Variants in FAT3 observed in about 807,000 individuals in gnomAD.
The protein encoded by FAT3 is FAT atypical cadherin 3.
Under a neutral mutation model 310.2 loss-of-function variants are expected in FAT3, and 95 were observed. The observed-to-expected ratio is 0.31, with a 90% CI of 0.26 to 0.36. FAT3 has a LOEUF of 0.36. Among genes scored for constraint, FAT3 ranks in the 10% least tolerant of loss-of-function variants. The pLI, the probability that FAT3 is intolerant of heterozygous loss-of-function variation, is 1.00. For synonymous variants in FAT3, 2,314 were observed against 2,192.9 expected (o/e 1.06, Z -1.54); for missense variants, 5,408 against 5,715.6 (o/e 0.95, Z 1.74).
At chr11:92,592,316 G>GTTT (rs1383303382) in intron 3 of FAT3, among the ~76,000 whole-genome samples, 1 of 82,920 alleles carries the variant, frequency 1.2e-5, no homozygotes, top group Non-Finnish European at 2.2e-5. Context: ...TCTCCTAATT[G>GTTT]TCTTTTTTTT....
At chr11:92,731,981 C>T (rs564466748) in intron 4 of FAT3, among the ~76,000 whole-genome samples, 1 of 152,266 alleles carries the variant, frequency 6.6e-6, no homozygotes, top group South Asian at 2.1e-4. Flanking sequence ...AGTTATAGAT[C>T]ATGAATTCCA....
At chr11:92,432,934 A>G (rs760905315) in intron 2 of FAT3, among the ~76,000 whole-genome samples, 16 of 152,176 alleles carry the variant, frequency 1.1e-4, no homozygotes, top group Non-Finnish European at 2.4e-4. Flanking sequence ...TGCCCTGCCC[A>G]GAGAGGAGGA....
intron 16 of FAT3, 147 bp from the exon 17 acceptor site, chr11:92,837,516 G>A (rs1948436898): frequency 2.1e-6 from 2 of 934,294 alleles, no homozygotes; most frequent in Admixed American, 5.6e-5. Flanking sequence ...AAATGTCAGT[G>A]GTGCCAAGAA....
chr11:92,454,907 A>G (rs896008231), intron 2 of FAT3, among the ~76,000 whole-genome samples: 1 of 152,164 alleles, frequency 6.6e-6, no homozygotes, highest in African/African-American at 2.4e-5. Flanking sequence ...AATTCCATGA[A>G]TAGCCTCATT....
chr11:92,885,746 C>T (rs577785404), intron 24 of FAT3, among the ~76,000 whole-genome samples: 1 of 152,256 alleles, frequency 6.6e-6, no homozygotes, highest in African/African-American at 2.4e-5. Context: ...CTTCATTCAC[C>T]AGAGTGGATT....
At chr11:92,234,077 A>G (rs1185591400) in intron 1 of FAT3, among the ~76,000 whole-genome samples, 1 of 152,234 alleles carries the variant, frequency 6.6e-6, no homozygotes, top group East Asian at 1.9e-4. Flanking sequence ...TCTTTATACA[A>G]TAGATATGTT....
chr11:92,532,389 T>C (rs950256961), intron 3 of FAT3, among the ~76,000 whole-genome samples: 2 of 152,198 alleles, frequency 1.3e-5, no homozygotes, highest in Non-Finnish European at 2.9e-5. Context: ...TCTTCTGTCT[T>C]ATGTAACTTC....
chr11:92,310,764 A>T (rs1947276291), intron 1 of FAT3, among the ~76,000 whole-genome samples: 1 of 151,920 alleles, frequency 6.6e-6, no homozygotes, highest in Non-Finnish European at 1.5e-5. Context: ...TAAAGTTTCC[A>T]CGACAATATT....
rs945555619 is a variant in FAT3, at chr11:92,790,200, G to A, written c.4593G>A (p.Lys1531=). Residue 1531 remains lysine, a synonymous_variant, in exon 8 of 28, where the codon AAG becomes AAA. Transcript: ENST00000525166. ...AERLDHEAQD[K]HILNIMVRDQ... The stretch of plus-strand genomic sequence containing the variant: ...GGCTGGACCATGAGGCCCAGGACAA[G>A]CACATTCTCAACATAATGGTAGGAC... 1.4e-5 allele frequency: 23 copies of A among 1,613,614 alleles called. No individual in the cohort carries two copies. Among genetic ancestry groups the A allele is most frequent in the Non-Finnish European group, 1.9e-5 (22 of 1,179,628 alleles).
At chr11:92,771,836 CTA>C (rs1946465624) in intron 6 of FAT3, among the ~76,000 whole-genome samples, 1 of 151,684 alleles carries the variant, frequency 6.6e-6, no homozygotes, top group Non-Finnish European at 1.5e-5. Context: ...AGCACACACT[CTA>C]TATGCCATAT....
chr11:92,270,405 GC>G (rs1235340587), intron 1 of FAT3, among the ~76,000 whole-genome samples: 3 of 151,962 alleles, frequency 2.0e-5, no homozygotes, highest in Non-Finnish European at 2.9e-5. Flanking sequence ...GGGGCCAAGT[GC>G]AGTGGCTCAC....
intron 3 of FAT3, among the ~76,000 whole-genome samples, chr11:92,692,976 A>C (rs1003260268): frequency 6.6e-6 from 1 of 152,182 alleles, no homozygotes; most frequent in Admixed American, 6.5e-5. Context: ...TCATCCTTAC[A>C]AGTATCACTT....
At chr11:92,389,756 C>T (rs191817978) in intron 2 of FAT3, among the ~76,000 whole-genome samples, 30 of 152,208 alleles carry the variant, frequency 2.0e-4, no homozygotes, top group African/African-American at 5.3e-4. Flanking sequence ...AGGTAATTGC[C>T]GATGATCACA....
At chr11:92,679,032 A>T (rs1943382604) in intron 3 of FAT3, among the ~76,000 whole-genome samples, 1 of 152,188 alleles carries the variant, frequency 6.6e-6, no homozygotes, top group Non-Finnish European at 1.5e-5. Context: ...GCACTCATTT[A>T]ATCGTGCAAA....
intron 1 of FAT3, among the ~76,000 whole-genome samples, chr11:92,293,525 T>G (rs1946760448): frequency 1.8e-5 from 1 of 56,618 alleles, no homozygotes; most frequent in Admixed American, 1.9e-4. Flanking sequence ...TATATATATA[T>G]ATATATATAT....
At chr11:92,839,380 G>T (rs906649202) in intron 17 of FAT3, among the ~76,000 whole-genome samples, 2 of 152,198 alleles carry the variant, frequency 1.3e-5, no homozygotes, top group Non-Finnish European at 2.9e-5. Context: ...GTGTGAAATA[G>T]TAAATATATG....
chr11:92,235,537 T>A (rs1168743503), intron 1 of FAT3, among the ~76,000 whole-genome samples: 1 of 151,884 alleles, frequency 6.6e-6, no homozygotes, highest in Non-Finnish European at 1.5e-5. Context: ...TATTGCTATA[T>A]CTTGCTGGTA....
intron 3 of FAT3, among the ~76,000 whole-genome samples, chr11:92,627,799 T>C (rs564269572): frequency 6.6e-6 from 1 of 152,286 alleles, no homozygotes; most frequent in East Asian, 1.9e-4. Flanking sequence ...GTGCATGCCA[T>C]TGATAAATAG....
intron 3 of FAT3, among the ~76,000 whole-genome samples, chr11:92,654,979 C>T (rs1395160198): frequency 2.0e-5 from 3 of 152,120 alleles, no homozygotes; most frequent in Non-Finnish European, 4.4e-5. Flanking sequence ...TAAGTTCCTA[C>T]CTCAAGGCAT....
Sources: allele counts gnomAD v4.1 joint callset (sites outside exome capture counted in the v4.1 genomes callset), GRCh38; gene constraint gnomAD v4.1.1; transcripts MANE v1.5; gene names NCBI Gene and HGNC (gene_info 2026-07-23, HGNC 2026-07-21).